Variants in DIAPH2 observed in about 807,000 individuals in gnomAD.
DIAPH2 encodes protein diaphanous homolog 2.
In DIAPH2, 35 loss-of-function variants were observed where a neutral mutation model predicts 92.7. The ratio of observed to expected loss-of-function variants is 0.38; its 90% CI spans 0.29 to 0.50. The LOEUF (loss-of-function observed/expected upper bound fraction) is 0.50, where lower values mean the gene tolerates loss of function less well. DIAPH2 is among the 20% of genes least tolerant of loss of function. DIAPH2 has a pLI of 0.94. For missense variants in DIAPH2, 701 were observed against 819.5 expected (o/e 0.86, Z 1.77); for synonymous variants, 301 against 280.4 (o/e 1.07, Z -0.73).
At chrX:96,707,750 G>A (rs1312359883) in intron 1 of DIAPH2, among the ~76,000 whole-genome samples, 1 of 111,621 alleles carries the variant, frequency 9.0e-6, no homozygotes, top group Non-Finnish European at 1.9e-5. Context: ...ATGATTTAAT[G>A]ACAACCACTT....
At chrX:96,962,356 T>TATATATATACATATATATATACAC in intron 16 of DIAPH2, among the ~76,000 whole-genome samples, 1 of 55,335 alleles carries the variant, frequency 1.8e-5, no homozygotes, top group South Asian at 1.0e-3. Flanking sequence ...TATATACACA[T>TATATATATACATATATATATACAC]ATATATATAC....
At chrX:97,140,841 C>T (rs1853979173) in intron 21 of DIAPH2, among the ~76,000 whole-genome samples, 3 of 111,347 alleles carry the variant, frequency 2.7e-5, no homozygotes, top group Non-Finnish European at 5.7e-5. Flanking sequence ...TCAGTATGAA[C>T]ATCAGTGGAC....
At chrX:96,745,942 C>G (rs2064147165) in intron 3 of DIAPH2, among the ~76,000 whole-genome samples, 1 of 111,935 alleles carries the variant, frequency 8.9e-6, no homozygotes, top group African/African-American at 3.2e-5. Flanking sequence ...GAGACAGGAC[C>G]TTGCTCTGTT....
At chrX:96,780,827 G>A (rs1483688422) in intron 4 of DIAPH2, among the ~76,000 whole-genome samples, 2 of 85,517 alleles carry the variant, frequency 2.3e-5, no homozygotes, top group Non-Finnish European at 4.4e-5. Flanking sequence ...TTTTTTTTTC[G>A]ATGAAGTCTC....
In DIAPH2 at chrX:97,438,358, TG is replaced by T. The variant is rs1201385621; in HGVS notation, c.3241+8614del. 6.2e-3 allele frequency among the ~76,000 whole-genome samples: 503 copies of T among 81,179 alleles called. 55 individuals are homozygous for T. The highest frequency in any genetic ancestry group is 0.016 in the African/African-American group (339 of 21,275). 70.5% of individuals were successfully genotyped at this position (81,179 alleles called of 115,157 possible). Reference sequence around the variant, plus strand: ...TTCTTGTTTTTTTTTTTTGTTTGTTTGTTTTTTTTTTTTTTTTTTTTTTTTG... The same window carrying T: ...TTCTTGTTTTTTTTTTTTGTTTGTTTTTTTTTTTTTTTTTTTTTTTTTTTG... On this transcript the variant is annotated intron_variant, in intron 26 of 26. Transcript: ENST00000324765.
At chrX:96,691,748 C>G (rs190596134) in intron 1 of DIAPH2, among the ~76,000 whole-genome samples, 1 of 112,101 alleles carries the variant, frequency 8.9e-6, no homozygotes, top group East Asian at 2.8e-4. Context: ...AAATACATAC[C>G]AGCATATTGG....
intron 26 of DIAPH2, among the ~76,000 whole-genome samples, chrX:97,456,897 A>G (rs2070410969): frequency 8.9e-6 from 1 of 112,168 alleles, no homozygotes; most frequent in Non-Finnish European, 1.9e-5. Context: ...GATGAAGACT[A>G]TTTCTAACGT....
intron 4 of DIAPH2, among the ~76,000 whole-genome samples, chrX:96,875,388 A>G (rs6620197): frequency 0.11 from 11,880 of 111,762 alleles, 572 homozygotes; most frequent in East Asian, 0.32. Context: ...TAAGGGAACA[A>G]TAAATGATTT....
intron 22 of DIAPH2, among the ~76,000 whole-genome samples, chrX:97,228,622 G>GT (rs1229631965): frequency 9.0e-6 from 1 of 111,403 alleles, no homozygotes; most frequent in African/African-American, 3.3e-5. Context: ...ATAAGACATA[G>GT]TTTTTTCTAT....
At chrX:97,234,521 GC>G (rs2068033947) in intron 22 of DIAPH2, among the ~76,000 whole-genome samples, 1 of 110,951 alleles carries the variant, frequency 9.0e-6, no homozygotes. Flanking sequence ...TCTGCAGAGA[GC>G]AAGATATTAA....
intron 4 of DIAPH2, among the ~76,000 whole-genome samples, chrX:96,798,009 A>C (rs774305555): frequency 8.9e-6 from 1 of 112,830 alleles, no homozygotes; most frequent in South Asian, 3.6e-4. Context: ...AGTCTCTTAC[A>C]TAAAATGGTG....
rs765794967 is a variant in DIAPH2, at chrX:97,336,762, A to C, written c.2845-11354A>C. Among the ~76,000 whole-genome samples, 207 of 111,407 alleles carry C rather than the reference A, an allele frequency of 1.9e-3. 1 individual carries two copies. Among genetic ancestry groups the C allele is most frequent in the Non-Finnish European group, 2.8e-3 (149 of 53,115 alleles). On this transcript the variant is annotated intron_variant, in intron 23 of 26. Transcript: ENST00000324765. The stretch of plus-strand genomic sequence containing the variant: ...GAAGAAATCACTCTGCTGGGTGACT[A>C]AGGATGCAAAGCTAAACTCTGTCTT...
chrX:97,363,916 G>A (rs759261394), intron 24 of DIAPH2, among the ~76,000 whole-genome samples: 2 of 111,337 alleles, frequency 1.8e-5, no homozygotes, highest in East Asian at 5.6e-4. Flanking sequence ...AGTTCATCTT[G>A]GATTCCTTTC....
rs1013793460 is a variant in DIAPH2, at chrX:96,859,233, T to C, written c.448-22346T>C. Among the ~76,000 whole-genome samples the C allele has an allele frequency of 1.6e-4, 18 of 110,798 alleles. No individual in the cohort carries two copies. In the Admixed American group the frequency reaches 1.7e-3, roughly 10 times the overall value. On this transcript the variant is annotated intron_variant, in intron 4 of 26. Transcript: ENST00000324765. The stretch of plus-strand genomic sequence containing the variant: ...TTAATAAGCTTAATAGGAGGGTATA[T>C]AACCTACATAAATCTACAGCACTTT...
chrX:97,220,367 GAAAAAAA>G (rs763951265), intron 22 of DIAPH2, among the ~76,000 whole-genome samples: 120 of 76,039 alleles, frequency 1.6e-3, no homozygotes, highest in African/African-American at 5.4e-3. Context: ...ACAAGTTTTA[GAAAAAAA>G]AAAAAAAGAA....
At position 97,373,489 on chromosome X, in the gene DIAPH2, A is replaced by G. The variant is rs376511817; in HGVS notation, c.3010-10420A>G. Reference sequence around the variant, plus strand: ...TAACTAGATTTTGACCTTTTATGTTATGAAGACTACAACAAGGAAGAAAGA... The same window carrying G: ...TAACTAGATTTTGACCTTTTATGTTGTGAAGACTACAACAAGGAAGAAAGA... On this transcript the variant is annotated intron_variant, in intron 24 of 26. Coordinates refer to ENST00000324765, the MANE Select transcript of DIAPH2 (RefSeq NM_006729.5). 3.7e-5 allele frequency among the ~76,000 whole-genome samples: 4 copies of G among 108,997 alleles called. No homozygotes were observed. In the South Asian group the frequency reaches 1.2e-3, roughly 33 times the overall value. The allele number at this position is 108,997 out of a possible 115,157, so 94.7% of individuals were successfully genotyped here. A position where few individuals can be genotyped will look rare whatever the true frequency, so the allele number is the denominator to read the frequency against.
intron 23 of DIAPH2, among the ~76,000 whole-genome samples, chrX:97,299,516 G>C (rs945965555): frequency 9.0e-6 from 1 of 111,698 alleles, no homozygotes; most frequent in African/African-American, 3.2e-5. Flanking sequence ...TTAGCACTGG[G>C]TGCAATGTCC....
chrX:97,571,491 GA>G (rs1424506576), intron 26 of DIAPH2, among the ~76,000 whole-genome samples: 3 of 111,702 alleles, frequency 2.7e-5, no homozygotes, highest in African/African-American at 9.7e-5. Context: ...AATATAAGGG[GA>G]AAAGTTGTTT....
intron 17 of DIAPH2, among the ~76,000 whole-genome samples, chrX:97,051,981 T>C (rs1365929820): frequency 8.9e-6 from 1 of 112,071 alleles, no homozygotes; most frequent in Non-Finnish European, 1.9e-5. Context: ...ATTCAAACAA[T>C]TTATTGAACA....
Sources: allele counts gnomAD v4.1 joint callset (sites outside exome capture counted in the v4.1 genomes callset), GRCh38; gene constraint gnomAD v4.1.1; transcripts MANE v1.5; gene names NCBI Gene and HGNC (gene_info 2026-07-23, HGNC 2026-07-21).